The following CDK14 variants were observed in gnomAD, a reference collection of about 807,000 sequenced individuals.
CDK14 encodes the protein cyclin-dependent kinase 14.
A neutral mutation model predicts 60.7 loss-of-function variants in CDK14; 34 were observed. That is an observed-to-expected ratio of 0.56 (90% CI 0.43 to 0.75). The LOEUF (loss-of-function observed/expected upper bound fraction) is 0.75. CDK14 is among the 30% of genes least tolerant of loss of function. CDK14 has a pLI of 0.00. For missense variants in CDK14, 482 were observed against 564.1 expected, an observed-to-expected ratio of 0.85 and a Z score of 1.47; for synonymous variants, 197 against 203.7, an observed-to-expected ratio of 0.97 and a Z score of 0.28.
intron 10 of CDK14, among the ~76,000 whole-genome samples, chr7:90,996,916 T>C (rs2115726219): frequency 6.6e-6 from 1 of 152,326 alleles, no homozygotes; most frequent in South Asian, 2.1e-4. Flanking sequence ...TTACCTTTCA[T>C]GTTGGTCAAT....
intron 10 of CDK14, among the ~76,000 whole-genome samples, chr7:90,988,328 AAAGG>A (rs567395128): frequency 1.2e-3 from 187 of 152,292 alleles, no homozygotes; most frequent in Non-Finnish European, 2.3e-3. Context: ...TACATGCAAG[AAAGG>A]AAGGAAGATG....
intron 14 of CDK14, among the ~76,000 whole-genome samples, chr7:91,195,356 G>C (rs973685944): frequency 1.3e-4 from 20 of 152,330 alleles, no homozygotes; most frequent in Admixed American, 1.0e-3. Flanking sequence ...TGGCAGTGTA[G>C]TAAAGGTAGG....
intron 4 of CDK14, among the ~76,000 whole-genome samples, chr7:90,779,074 A>G (rs1805187937): frequency 6.6e-6 from 1 of 151,992 alleles, no homozygotes; most frequent in South Asian, 2.1e-4. Flanking sequence ...CAACATGGTG[A>G]AACCCCGTCT....
At chr7:91,056,580 C>G (rs1047607355) in intron 11 of CDK14, among the ~76,000 whole-genome samples, 1 of 150,784 alleles carries the variant, frequency 6.6e-6, no homozygotes, top group African/African-American at 2.4e-5. Flanking sequence ...CACAACAGGC[C>G]CCGGCGTGTG....
chr7:91,088,569 ATGTGTGTG>A lies in CDK14; in HGVS notation c.1154+9106_1154+9113del, dbSNP rs35277214. Among the ~76,000 whole-genome samples, 1,224 of 149,616 alleles carry A rather than the reference ATGTGTGTG, an allele frequency of 8.2e-3. 18 individuals carry two copies. Among genetic ancestry groups the A allele is most frequent in the African/African-American group, 0.028 (1,131 of 40,902 alleles). On this transcript the variant is annotated intron_variant, in intron 12 of 14. Coordinates refer to ENST00000380050, the MANE Select transcript of CDK14 (RefSeq NM_001287135.2). Reference sequence around the variant, plus strand: ...TGGAAGTCTCATAGAGTTTATATATATGTGTGTGTGTGTGTGTGTGTGTGGTTATTATT... The same window carrying A: ...TGGAAGTCTCATAGAGTTTATATATATGTGTGTGTGTGTGTGGTTATTATT...
intron 10 of CDK14, among the ~76,000 whole-genome samples, chr7:91,037,373 G>A (rs34418872): frequency 0.16 from 24,999 of 152,036 alleles, 2,377 homozygotes; most frequent in African/African-American, 0.25. Flanking sequence ...ATGTACACCT[G>A]CATCACATGT....
chr7:91,040,585 C>G (rs1797060707), intron 10 of CDK14, among the ~76,000 whole-genome samples: 1 of 152,234 alleles, frequency 6.6e-6, no homozygotes, highest in African/African-American at 2.4e-5. Context: ...CACATCGCCA[C>G]TGTAGTCCTG....
chr7:90,732,897 G>T (rs189335749), intron 3 of CDK14, among the ~76,000 whole-genome samples: 1 of 151,884 alleles, frequency 6.6e-6, no homozygotes, highest in East Asian at 1.9e-4. Context: ...GAATGTATTT[G>T]CTCTTCCTTC....
chr7:91,122,019 G>A (rs1455541856), intron 14 of CDK14, among the ~76,000 whole-genome samples: 1 of 152,102 alleles, frequency 6.6e-6, no homozygotes, highest in Non-Finnish European at 1.5e-5. Context: ...AAATATAAGG[G>A]ATAAGAAAGG....
intron 6 of CDK14, among the ~76,000 whole-genome samples, chr7:90,891,252 A>G (rs1406318340): frequency 6.6e-6 from 1 of 152,166 alleles, no homozygotes; most frequent in African/African-American, 2.4e-5. Context: ...AGTGTCTATA[A>G]TCAGATGGCA....
intron 13 of CDK14, among the ~76,000 whole-genome samples, chr7:91,113,648 A>G (rs1395482357): frequency 1.3e-5 from 2 of 152,118 alleles, no homozygotes; most frequent in African/African-American, 4.8e-5. Context: ...GTGTTTATTA[A>G]TCCTTGGTAT....
At chr7:90,794,342 A>G (rs1805961581) in intron 5 of CDK14, among the ~76,000 whole-genome samples, 1 of 152,182 alleles carries the variant, frequency 6.6e-6, no homozygotes, top group Non-Finnish European at 1.5e-5. Flanking sequence ...GGGAGCAGAC[A>G]ACCGGTCTGA....
intron 14 of CDK14, among the ~76,000 whole-genome samples, chr7:91,147,162 T>TCTCTCTCTCTCTCTCACACACA (rs1438870514): frequency 8.0e-6 from 1 of 124,698 alleles, no homozygotes; most frequent in African/African-American, 3.3e-5. Context: ...TCTCTCTCTC[T>TCTCTCTCTCTCTCTCACACACA]CACACACACA....
Position 91,058,593 on chromosome 7 carries a change from T to C in CDK14, c.1105+12633T>C, listed in dbSNP as rs570620606. On this transcript the variant is annotated intron_variant, in intron 11 of 14. Coordinates refer to ENST00000380050, the MANE Select transcript of CDK14 (RefSeq NM_001287135.2). ...AGACACATCCCATCAATACCTAATT[T>C]ATTGAGAGTTTTTAGCATGAAGGTT... is the stretch of plus-strand genomic sequence containing the variant. Among the ~76,000 whole-genome samples, 10 of 152,350 alleles carry C rather than the reference T, an allele frequency of 6.6e-5. No individual in the cohort carries two copies. In the South Asian group the frequency reaches 2.1e-3, roughly 32 times the overall value.
intron 2 of CDK14, among the ~76,000 whole-genome samples, chr7:90,644,438 G>C (rs1767435689): frequency 6.6e-6 from 1 of 152,130 alleles, no homozygotes; most frequent in Non-Finnish European, 1.5e-5. Context: ...TCAGGTCTCA[G>C]TGCCGGGAAG....
intron 14 of CDK14, among the ~76,000 whole-genome samples, chr7:91,191,123 T>C (rs1479400947): frequency 6.6e-6 from 1 of 152,182 alleles, no homozygotes; most frequent in African/African-American, 2.4e-5. Flanking sequence ...CCCACTTTTC[T>C]GCTCAGTTCT....
chr7:90,711,484 AT>A (rs144916447), intron 2 of CDK14, among the ~76,000 whole-genome samples: 14,975 of 150,136 alleles, frequency 0.1, 817 homozygotes, highest in Non-Finnish European at 0.12. Flanking sequence ...AGTTGTGAGG[AT>A]TTTTTTTTCA....
At chr7:91,017,051 C>T (rs894005750) in intron 10 of CDK14, among the ~76,000 whole-genome samples, 1 of 152,146 alleles carries the variant, frequency 6.6e-6, no homozygotes, top group East Asian at 1.9e-4. Flanking sequence ...AGTGGTGTTT[C>T]CTTTCTTCAC....
At chr7:90,779,143 C>T (rs1805192699) in intron 4 of CDK14, among the ~76,000 whole-genome samples, 4 of 152,020 alleles carry the variant, frequency 2.6e-5, no homozygotes. Flanking sequence ...ATCTCAGTTA[C>T]TCGGGAGGCT....
Sources: allele counts gnomAD v4.1 joint callset (sites outside exome capture counted in the v4.1 genomes callset), GRCh38; gene constraint gnomAD v4.1.1; transcripts MANE v1.5; gene names NCBI Gene and HGNC (gene_info 2026-07-23, HGNC 2026-07-21).